The following PAM variants were observed in gnomAD, a reference collection of about 807,000 sequenced individuals.
PAM encodes peptidylglycine alpha-amidating monooxygenase.
A neutral mutation model predicts 122.1 loss-of-function variants in PAM; 72 were observed. The ratio of observed to expected loss-of-function variants is 0.59; its 90% CI spans 0.49 to 0.72. The LOEUF is 0.72. PAM is among the 30% of genes least tolerant of loss of function. The pLI is 0.00. For synonymous variants in PAM, 389 were observed against 404.4 expected, an observed-to-expected ratio of 0.96 and a Z score of 0.46; for missense variants, 1,106 against 1,183.7, an observed-to-expected ratio of 0.93 and a Z score of 0.96.
At chr5:102,832,524 A>G (rs1467900427) in intron 1 of PAM, among the ~76,000 whole-genome samples, 1 of 152,150 alleles carries the variant, frequency 6.6e-6, no homozygotes, top group Admixed American at 6.6e-5. Flanking sequence ...TTGGGACTGT[A>G]TAAGATTAAC....
chr5:102,825,245 T>C (rs1773244803), intron 1 of PAM, among the ~76,000 whole-genome samples: 2 of 152,258 alleles, frequency 1.3e-5, no homozygotes, highest in African/African-American at 4.8e-5. Flanking sequence ...ACTTGGATAA[T>C]GGATCTCTCT....
chr5:102,779,886 CATATATATATATATATATATAT>C lies in PAM; in HGVS notation c.-374+24550_-374+24571del, dbSNP rs767088116. Among the ~76,000 whole-genome samples the C allele has an allele frequency of 6.2e-5, 5 of 81,070 alleles. 1 individual carries two copies. The highest frequency in any genetic ancestry group is 2.7e-4 in the African/African-American group (5 of 18,574). The allele number at this position is 81,070 out of a possible 152,430, so 53.2% of individuals were successfully genotyped here. ...TTAATACTTAATAAACTCCCATATA[CATATATATATATATATATATAT>C]ATATATATATACACACATATATATA... On this transcript the variant is annotated intron_variant, in intron 1 of 25. Coordinates refer to ENST00000438793, the MANE Select transcript of PAM (RefSeq NM_001177306.2).
At chr5:103,020,122 C>T (rs1005953661) in intron 23 of PAM, among the ~76,000 whole-genome samples, 1 of 151,674 alleles carries the variant, frequency 6.6e-6, no homozygotes, top group Non-Finnish European at 1.5e-5. Flanking sequence ...AGAGATATTC[C>T]GAGAAGAAAA....
chr5:102,993,100 AACCTCTG>A (rs1350571339), intron 16 of PAM, among the ~76,000 whole-genome samples: 1 of 152,106 alleles, frequency 6.6e-6, no homozygotes, highest in African/African-American at 2.4e-5. Flanking sequence ...AATGATGATA[AACCTCTG>A]ACCTGAAAGA....
intron 1 of PAM, among the ~76,000 whole-genome samples, chr5:102,785,923 G>A (rs889164667): frequency 4.6e-5 from 7 of 152,102 alleles, no homozygotes; most frequent in Admixed American, 1.3e-4. Flanking sequence ...TAACATGTTC[G>A]TTTTATTTCA....
At chr5:102,804,423 C>A (rs1384801818) in intron 1 of PAM, among the ~76,000 whole-genome samples, 2 of 152,062 alleles carry the variant, frequency 1.3e-5, no homozygotes, top group African/African-American at 4.8e-5. Context: ...GGGAATGGAA[C>A]AGGAAGAGAA....
intron 1 of PAM, among the ~76,000 whole-genome samples, chr5:102,847,187 G>T (rs1250978232): frequency 6.6e-6 from 1 of 152,082 alleles, no homozygotes; most frequent in Non-Finnish European, 1.5e-5. Flanking sequence ...GCAGCATCTT[G>T]CCCTGTATTA....
Position 102,948,212 on chromosome 5 carries a change from C to A in PAM, c.576-166C>A, listed in dbSNP as rs555350524. Among the ~76,000 whole-genome samples, 39 of 152,278 alleles carry A rather than the reference C, an allele frequency of 2.6e-4. No homozygotes were observed. In the South Asian group the frequency reaches 3.7e-3, roughly 15 times the overall value. On this transcript the variant is annotated intron_variant, in intron 8 of 25. Coordinates refer to ENST00000438793, the MANE Select transcript of PAM (RefSeq NM_001177306.2). ...AGGAACCATTTAGAGTCTGCCTTCA[C>A]ATGAAAAAGTATTTTTTAAGGAAGA...
intron 14 of PAM, among the ~76,000 whole-genome samples, chr5:102,962,823 T>C (rs1382561290): frequency 1.3e-5 from 2 of 151,994 alleles, no homozygotes; most frequent in Admixed American, 6.6e-5. Context: ...TACCCTTTTG[T>C]GTTTTATAGC....
At chr5:102,781,820 T>A (rs1388803155) in intron 1 of PAM, among the ~76,000 whole-genome samples, 1 of 152,234 alleles carries the variant, frequency 6.6e-6, no homozygotes, top group Non-Finnish European at 1.5e-5. Context: ...TACATGGTGC[T>A]TCTTGTGGAT....
At chr5:102,839,726 C>G (rs886912773) in intron 1 of PAM, among the ~76,000 whole-genome samples, 1 of 151,500 alleles carries the variant, frequency 6.6e-6, no homozygotes, top group African/African-American at 2.4e-5. Context: ...GTTAGAGTAG[C>G]CTAATATCAG....
At chr5:102,876,060 A>G (rs2151066353) in intron 3 of PAM, among the ~76,000 whole-genome samples, 1 of 152,324 alleles carries the variant, frequency 6.6e-6, no homozygotes. Flanking sequence ...TATTTGGAAT[A>G]TCGTATTTCA....
intron 7 of PAM, among the ~76,000 whole-genome samples, chr5:102,944,457 A>G (rs2151928654): frequency 6.6e-6 from 1 of 152,304 alleles, no homozygotes; most frequent in Middle Eastern, 3.4e-3. Flanking sequence ...ATAAGAATAA[A>G]TGAAACCACC....
chr5:102,913,188 C>G (rs1801970683), intron 4 of PAM, among the ~76,000 whole-genome samples: 1 of 151,822 alleles, frequency 6.6e-6, no homozygotes, highest in African/African-American at 2.4e-5. Flanking sequence ...AAAGGATGAG[C>G]CAAACCCACA....
chr5:102,892,218 G>T (rs116356512), intron 3 of PAM, among the ~76,000 whole-genome samples: 8 of 151,964 alleles, frequency 5.3e-5, no homozygotes, highest in African/African-American at 1.7e-4. Flanking sequence ...TGAAGCTACT[G>T]CAACCATCTT....
At chr5:102,898,759 A>G (rs905375925) in intron 3 of PAM, among the ~76,000 whole-genome samples, 1 of 151,636 alleles carries the variant, frequency 6.6e-6, no homozygotes, top group African/African-American at 2.4e-5. Flanking sequence ...AATTGTGTCT[A>G]AGAACTGACA....
intron 1 of PAM, among the ~76,000 whole-genome samples, chr5:102,841,137 A>G (rs1438396456): frequency 6.6e-6 from 1 of 152,184 alleles, no homozygotes; most frequent in Non-Finnish European, 1.5e-5. Flanking sequence ...AGAAACAAGA[A>G]ATAGCATACA....
chr5:102,846,218 CTTCCA>C (rs2150652660), intron 1 of PAM, among the ~76,000 whole-genome samples: 1 of 152,308 alleles, frequency 6.6e-6, no homozygotes, highest in South Asian at 2.1e-4. Flanking sequence ...TTGCCCCCAA[CTTCCA>C]TTTCAGCCTC....
intron 4 of PAM, among the ~76,000 whole-genome samples, chr5:102,902,289 G>A (rs1249699306): frequency 6.6e-6 from 1 of 151,476 alleles, no homozygotes; most frequent in Non-Finnish European, 1.5e-5. Context: ...ATTTTTATGA[G>A]GTGTTTCCCA....
Sources: allele counts gnomAD v4.1 joint callset (sites outside exome capture counted in the v4.1 genomes callset), GRCh38; gene constraint gnomAD v4.1.1; transcripts MANE v1.5; gene names NCBI Gene and HGNC (gene_info 2026-07-23, HGNC 2026-07-21).